Variants in STXBP5 observed in about 807,000 individuals in gnomAD.
STXBP5 encodes syntaxin binding protein 5.
A neutral mutation model predicts 152.4 loss-of-function variants in STXBP5; 50 were observed. The ratio of observed to expected loss-of-function variants is 0.33; its 90% CI spans 0.26 to 0.42. The LOEUF is 0.42. Ranked by LOEUF, STXBP5 falls within the 10% of genes least tolerant of loss-of-function variation. The pLI, the probability that STXBP5 is intolerant of heterozygous loss-of-function variation, is 1.00. For synonymous variants in STXBP5, 492 were observed against 494.7 expected (o/e 0.99, Z 0.07); for missense variants, 1,167 against 1,388.6 (o/e 0.84, Z 2.54).
intron 16 of STXBP5, among the ~76,000 whole-genome samples, chr6:147,321,229 C>G (rs1782920444): frequency 6.6e-6 from 1 of 152,020 alleles, no homozygotes; most frequent in Admixed American, 6.5e-5. Flanking sequence ...AGGCCAGTTT[C>G]TTAAAGTAAG....
chr6:147,315,473 A>G (rs776404728), intron 14 of STXBP5, 42 bp from the exon 15 acceptor site: 12 of 1,352,538 alleles, frequency 8.9e-6, no homozygotes, highest in East Asian at 5.0e-5. Flanking sequence ...ATGTTTGATC[A>G]TTTTATATTA....
intron 25 of STXBP5, among the ~76,000 whole-genome samples, chr6:147,368,792 A>G (rs918964825): frequency 1.3e-5 from 2 of 152,072 alleles, no homozygotes; most frequent in African/African-American, 2.4e-5. Context: ...TTTTATTTCT[A>G]TATATTAGCA....
In STXBP5 at chr6:147,313,907, A is replaced by T. The variant is rs1490062591; in HGVS notation, c.1169A>T (p.Tyr390Phe). 2 of 1,565,890 alleles carry T rather than the reference A, an allele frequency of 1.3e-6. No individual in the cohort carries two copies. Among genetic ancestry groups the T allele is most frequent in the Non-Finnish European group, 1.7e-6 (2 of 1,147,974 alleles). Residue 390 changes from tyrosine (Y) to phenylalanine (F), a missense_variant, in exon 12 of 28, where the codon TAC becomes TTC. By Grantham distance (22) the Tyr-to-Phe change is conservative. This residue lies in a region of STXBP5 where 833 missense variants were observed against 986.3 expected (regional missense o/e 0.84). Transcript: ENST00000321680. ...AGATATCCTATATTTGAAAATCCCT[A>T]CCCTTTGAGTATACATGAGTCCCCT... ...QNGYPIFENP[Y>F]PLSIHESPVT...
intron 16 of STXBP5, among the ~76,000 whole-genome samples, chr6:147,322,462 CT>C (rs1782983329): frequency 6.6e-6 from 1 of 152,204 alleles, no homozygotes; most frequent in Non-Finnish European, 1.5e-5. Flanking sequence ...GTCTGAACAA[CT>C]TTCGCTGTTT....
rs1235327560 is a variant in STXBP5, at chr6:147,316,213, C to T, written c.1624-16C>T. 3 of 1,611,480 alleles carry T rather than the reference C, an allele frequency of 1.9e-6. No homozygotes were observed. Among genetic ancestry groups the T allele is most frequent in the Non-Finnish European group, 2.5e-6 (3 of 1,178,170 alleles). On this transcript the variant is annotated splice_polypyrimidine_tract_variant and intron_variant, in intron 15 of 27. Coordinates refer to ENST00000321680, the MANE Select transcript of STXBP5 (RefSeq NM_001127715.4). ...TAATTATTAGGAGTAAGTAAACTAC[C>T]TTACTTTTACAACAGATGCTTGAAG...
At chr6:147,262,027 C>G (rs1294812608) in intron 5 of STXBP5, among the ~76,000 whole-genome samples, 1 of 151,814 alleles carries the variant, frequency 6.6e-6, no homozygotes, top group Admixed American at 6.6e-5. Flanking sequence ...GTGCTCAAAT[C>G]TTTGACTAAA....
chr6:147,318,472 T>C (rs549812842), intron 16 of STXBP5, among the ~76,000 whole-genome samples: 15 of 152,344 alleles, frequency 9.8e-5, no homozygotes, highest in Non-Finnish European at 1.8e-4. Flanking sequence ...AAGGTAATAC[T>C]GACTTCGTTC....
In STXBP5 at chr6:147,281,891, T is replaced by C. The variant is rs557431035; in HGVS notation, c.838+3687T>C. ...CCATAGTTTCTGGCTCTGTGACCTT[T>C]AGGAAGTCATTTAACATTTTTGAGC... On this transcript the variant is annotated intron_variant, in intron 8 of 27. Coordinates refer to ENST00000321680, the MANE Select transcript of STXBP5 (RefSeq NM_001127715.4). 4.6e-5 allele frequency among the ~76,000 whole-genome samples: 7 copies of C among 152,304 alleles called. No homozygotes were observed. In the South Asian group the frequency reaches 1.4e-3, roughly 32 times the overall value.
At chr6:147,225,474 A>G (rs1245315209) in intron 2 of STXBP5, among the ~76,000 whole-genome samples, 2 of 152,238 alleles carry the variant, frequency 1.3e-5, no homozygotes, top group East Asian at 3.8e-4. Context: ...AGATTAGAAT[A>G]ATATCATTAC....
chr6:147,316,556 C>T (rs538373337), intron 16 of STXBP5, 149 bp downstream of exon 16: 3 of 643,170 alleles, frequency 4.7e-6, no homozygotes, highest in African/African-American at 3.8e-5. Flanking sequence ...GTTAGTCCAA[C>T]TCATTTTTCT....
Position 147,204,456 on chromosome 6 carries a change from C to T in STXBP5, c.-77C>T, listed in dbSNP as rs1032771077. 3.4e-6 allele frequency: 5 copies of T among 1,480,516 alleles called. No individual in the cohort carries two copies. Among genetic ancestry groups the T allele is most frequent in the South Asian group, 1.2e-5 (1 of 82,028 alleles). The allele number at this position is 1,480,516 out of a possible 1,614,324, so 91.7% of individuals were successfully genotyped here. On this transcript the variant is annotated 5_prime_UTR_variant, in exon 1 of 28. Transcript: ENST00000321680. This position sits in a 1 kb window ranked among gnomAD's most constrained non-coding sequence, Gnocchi z 4.3. ...CCGTTTCCGCGGTCGAAGCTGCCTT[C>T]GGCCCCGGGTGGTCTCCCCCGCCCG... is the stretch of plus-strand genomic sequence containing the variant.
chr6:147,247,363 T>A (rs1487628881), intron 4 of STXBP5, among the ~76,000 whole-genome samples: 1 of 152,214 alleles, frequency 6.6e-6, no homozygotes, highest in Non-Finnish European at 1.5e-5. Flanking sequence ...TGATGCCCAA[T>A]CCTGTTGGGA....
chr6:147,373,721 G>C lies in STXBP5; in HGVS notation c.3082-10G>C. 1 of 1,603,040 alleles carries C rather than the reference G, an allele frequency of 6.2e-7. No homozygotes were observed. The highest frequency in any genetic ancestry group is 8.5e-7 in the Non-Finnish European group (1 of 1,171,836). The stretch of plus-strand genomic sequence containing the variant: ...AATTTCAACAGTGACAATTTGTTTT[G>C]ATTTTAAAGGAAATGTTGGGTGAAC... On this transcript the variant is annotated splice_polypyrimidine_tract_variant and intron_variant, in intron 25 of 27. Transcript: ENST00000321680.
intron 27 of STXBP5, among the ~76,000 whole-genome samples, 157 bp from the exon 28 acceptor site, chr6:147,384,557 A>G (rs991493725): frequency 6.6e-6 from 1 of 152,178 alleles, no homozygotes. Flanking sequence ...TCCAAATAGA[A>G]TAGTTCTTAC....
intron 4 of STXBP5, among the ~76,000 whole-genome samples, chr6:147,241,234 T>C (rs1778525239): frequency 1.3e-5 from 2 of 152,238 alleles, no homozygotes; most frequent in Admixed American, 6.5e-5. Context: ...TTCTCTGATA[T>C]TAACATGCAT....
At chr6:147,272,406 T>A (rs1780217631) in intron 7 of STXBP5, among the ~76,000 whole-genome samples, 2 of 152,226 alleles carry the variant, frequency 1.3e-5, no homozygotes, top group African/African-American at 4.8e-5. Context: ...ATGACGGTGT[T>A]AAGTTAGGTA....
chr6:147,207,564 G>A (rs1181725497), intron 2 of STXBP5, among the ~76,000 whole-genome samples: 1 of 152,104 alleles, frequency 6.6e-6, no homozygotes, highest in Admixed American at 6.6e-5. Flanking sequence ...TGTGAAGACG[G>A]GAATGAAGTT....
At chr6:147,381,422 A>G (rs1369024487) in intron 26 of STXBP5, among the ~76,000 whole-genome samples, 1 of 152,134 alleles carries the variant, frequency 6.6e-6, no homozygotes, top group Non-Finnish European at 1.5e-5. Flanking sequence ...GAACCCTCAT[A>G]TATATTACTG....
At chr6:147,306,630 T>G (rs1782109184) in intron 9 of STXBP5, among the ~76,000 whole-genome samples, 1 of 152,208 alleles carries the variant, frequency 6.6e-6, no homozygotes, top group African/African-American at 2.4e-5. Context: ...CCTGGCTTAC[T>G]CACTGTCCTG....
Sources: allele counts gnomAD v4.1 joint callset (sites outside exome capture counted in the v4.1 genomes callset), GRCh38; gene constraint gnomAD v4.1.1; regional missense constraint gnomAD v4.1.1; non-coding constraint Gnocchi (gnomAD v3.1); transcripts MANE v1.5; gene names NCBI Gene and HGNC (gene_info 2026-07-23, HGNC 2026-07-21).